KPNA6: variants seen among roughly 807,000 people sequenced by gnomAD.
KPNA6 encodes the protein karyopherin subunit alpha 6.
KPNA6 carries 9 observed loss-of-function variants against 72.0 expected under a neutral mutation model. The ratio of observed to expected loss-of-function variants is 0.13; its 90% CI spans 0.08 to 0.22. KPNA6 has a LOEUF of 0.22. Ranked by LOEUF, KPNA6 falls within the 10% of genes least tolerant of loss-of-function variation. The pLI, the probability that KPNA6 is intolerant of heterozygous loss-of-function variation, is 1.00. For synonymous variants in KPNA6, 219 were observed against 242.1 expected (o/e 0.90, Z 0.89); for missense variants, 374 against 655.7 (o/e 0.57, Z 4.69).
rs56039103 is a variant in KPNA6 at position 32,171,716 on chromosome 1, C to T, written c.*822C>T. 0.093 allele frequency: 14,096 copies of T among 152,244 alleles called. 870 individuals carry two copies. The highest frequency in any genetic ancestry group is 0.25 in the South Asian group (1,202 of 4,826). The allele number at this position is 152,244 out of a possible 1,614,324, so 9.4% of individuals were successfully genotyped here. A position where few individuals can be genotyped will look rare whatever the true frequency, so the allele number is the denominator to read the frequency against. ...ACAGGCCTTCAGATGGGGCTTCCCA[C>T]GTGTAGCTACTGATCCCATATTTCC... On this transcript the variant is annotated 3_prime_UTR_variant, in exon 14 of 14. Coordinates refer to ENST00000373625, the MANE Select transcript of KPNA6 (RefSeq NM_012316.5).
At chr1:32,140,482 G>A (rs1440686269) in intron 1 of KPNA6, among the ~76,000 whole-genome samples, 1 of 152,086 alleles carries the variant, frequency 6.6e-6, no homozygotes, top group African/African-American at 2.4e-5. Flanking sequence ...CAAATGTACA[G>A]TTAAAAATAT....
At chr1:32,133,516 CAAAAAAAA>C (rs56850687) in intron 1 of KPNA6, among the ~76,000 whole-genome samples, 29 of 43,880 alleles carry the variant, frequency 6.6e-4, no homozygotes, top group Admixed American at 5.3e-3. Flanking sequence ...CTAGTCTCTA[CAAAAAAAA>C]AAAAAAAAAA....
chr1:32,166,028 AACAACAAC>A, intron 10 of KPNA6, 69 bp from the exon 11 acceptor site: 10 of 1,488,606 alleles, frequency 6.7e-6, no homozygotes, highest in East Asian at 2.4e-5. Context: ...CAACAACAAC[AACAACAAC>A]AAAAAAACAT....
chr1:32,112,126 T>C (rs1557453080), intron 1 of KPNA6, among the ~76,000 whole-genome samples: 1 of 152,222 alleles, frequency 6.6e-6, no homozygotes, highest in Non-Finnish European at 1.5e-5. Flanking sequence ...GGGGAACTTG[T>C]GGAGAAGCCT....
chr1:32,141,375 CTTTTTTTTTTTTTTTTTTTTTTTT>C lies in KPNA6; in HGVS notation c.5-13196_5-13173del, dbSNP rs71006334. Among the ~76,000 whole-genome samples the C allele has an allele frequency of 3.1e-3, 168 of 54,482 alleles. 8 individuals are homozygous for C. The East Asian group carries it at 0.046, about 15-fold the overall frequency. 35.7% of individuals were successfully genotyped at this position (54,482 alleles called of 152,430 possible). The stretch of plus-strand genomic sequence containing the variant: ...AGGGCTTTTTTTTTTTAAGTTAATC[CTTTTTTTTTTTTTTTTTTTTTTTT>C]TTTTTTTTTTTTTTTTGAGACGGAG... On this transcript the variant is annotated intron_variant, in intron 1 of 13. Coordinates refer to ENST00000373625, the MANE Select transcript of KPNA6 (RefSeq NM_012316.5).
At chr1:32,150,848 A>G (rs1436620577) in intron 1 of KPNA6, among the ~76,000 whole-genome samples, 1 of 151,100 alleles carries the variant, frequency 6.6e-6, no homozygotes, top group Non-Finnish European at 1.5e-5. Flanking sequence ...GATGGTCTCA[A>G]TCTCTTGACC....
chr1:32,129,675 C>T (rs545886371), intron 1 of KPNA6, among the ~76,000 whole-genome samples: 1 of 152,252 alleles, frequency 6.6e-6, no homozygotes, highest in South Asian at 2.1e-4. Flanking sequence ...CCTGCCTTAG[C>T]TTCCCAAGTA....
chr1:32,158,237 T>G (rs1460332767), intron 4 of KPNA6, 30 bp from the exon 5 acceptor site: 33 of 1,462,834 alleles, frequency 2.3e-5, no homozygotes, highest in Non-Finnish European at 3.2e-5. Flanking sequence ...GCTTCTCCTG[T>G]GTTTTTATTT....
chr1:32,123,663 C>T (rs1324625528), intron 1 of KPNA6, among the ~76,000 whole-genome samples: 1 of 150,750 alleles, frequency 6.6e-6, no homozygotes, highest in Non-Finnish European at 1.5e-5. Flanking sequence ...TTGCTTGAGC[C>T]CCGGAGATTG....
At chr1:32,130,222 A>ATTTTTTTTTTTTTTTTTTTTT (rs55953899) in intron 1 of KPNA6, among the ~76,000 whole-genome samples, 4 of 103,136 alleles carry the variant, frequency 3.9e-5, no homozygotes, top group Admixed American at 1.0e-4. Flanking sequence ...GTAGATAAAT[A>ATTTTTTTTTTTTTTTTTTTTT]TTTTTTTTTT....
chr1:32,131,937 ATTTAC>A (rs1456954489), intron 1 of KPNA6, among the ~76,000 whole-genome samples: 1 of 150,710 alleles, frequency 6.6e-6, no homozygotes, highest in Non-Finnish European at 1.5e-5. Flanking sequence ...GGTGTCTTTT[ATTTAC>A]TTTTTATTTT....
intron 1 of KPNA6, among the ~76,000 whole-genome samples, chr1:32,118,586 G>C (rs532259628): frequency 6.6e-6 from 1 of 152,008 alleles, no homozygotes; most frequent in African/African-American, 2.4e-5. Flanking sequence ...GTTGAGGCAA[G>C]GAGTTCCAGA....
chr1:32,139,005 T>G (rs866679217), intron 1 of KPNA6, among the ~76,000 whole-genome samples: 89 of 152,302 alleles, frequency 5.8e-4, no homozygotes, highest in African/African-American at 2.0e-3. Context: ...GAGGGTCTGC[T>G]TCACTCCAGT....
intron 2 of KPNA6, among the ~76,000 whole-genome samples, chr1:32,156,318 G>GT (rs1001898133): frequency 5.9e-5 from 9 of 151,406 alleles, no homozygotes; most frequent in South Asian, 2.1e-4. Context: ...CATATACTAT[G>GT]TTTTTTTTCA....
chr1:32,153,849 T>A (rs1642084818), intron 1 of KPNA6, among the ~76,000 whole-genome samples: 1 of 152,096 alleles, frequency 6.6e-6, no homozygotes, highest in Non-Finnish European at 1.5e-5. Context: ...ATTCACTGCT[T>A]AGAACAGCAG....
In KPNA6 at chr1:32,170,157, C is replaced by T. The variant is rs566283069; in HGVS notation, c.1423+97C>T. ...TGGTGGCGGAGTGTGGGTTGGGAAG[C>T]ATCCATAGCTTCCATGAGACTGATG... On this transcript the variant is annotated intron_variant, in intron 13 of 13. Transcript: ENST00000373625. 1.4e-3 allele frequency: 1,526 copies of T among 1,093,344 alleles called. 1 individual carries two copies. Among genetic ancestry groups the T allele is most frequent in the Non-Finnish European group, 1.9e-3 (1,437 of 754,670 alleles). 67.7% of individuals were successfully genotyped at this position (1,093,344 alleles called of 1,614,324 possible).
intron 1 of KPNA6, among the ~76,000 whole-genome samples, chr1:32,143,888 T>C (rs564797262): frequency 1.1e-4 from 16 of 152,338 alleles, no homozygotes; most frequent in African/African-American, 3.8e-4. Context: ...CAAGGTTCAA[T>C]CATGTTGTAG....
At chr1:32,155,832 C>G (rs758701724) in intron 2 of KPNA6, among the ~76,000 whole-genome samples, 3 of 151,484 alleles carry the variant, frequency 2.0e-5, no homozygotes, top group Non-Finnish European at 4.4e-5. Flanking sequence ...CTCAAGCTCC[C>G]GGGCTCAAGT....
intron 1 of KPNA6, among the ~76,000 whole-genome samples, chr1:32,122,222 C>T (rs1021347273): frequency 1.3e-5 from 2 of 151,216 alleles, no homozygotes; most frequent in South Asian, 2.1e-4. Context: ...TGCAGTGAGC[C>T]GAGATCATAT....
Sources: gnomAD v4.1 joint callset for allele counts (sites outside exome capture counted in the v4.1 genomes callset) on GRCh38, gnomAD v4.1.1 for gene constraint, MANE v1.5 for transcripts, NCBI Gene and HGNC (gene_info 2026-07-23, HGNC 2026-07-21) for gene names.